The following CHD3 variants were observed in gnomAD, a reference collection of about 807,000 sequenced individuals.
CHD3 encodes chromodomain helicase DNA binding protein 3.
CHD3 carries 52 observed loss-of-function variants against 248.9 expected under a neutral mutation model. The observed-to-expected ratio is 0.21, with a 90% confidence interval of 0.17 to 0.26. The LOEUF is 0.26. Among genes scored for constraint, CHD3 ranks in the 10% least tolerant of loss-of-function variants. CHD3 has a pLI of 1.00. For missense variants in CHD3, 1,482 were observed against 2,605.8 expected, an observed-to-expected ratio of 0.57 and a Z score of 9.39; for synonymous variants, 985 against 985.2, an observed-to-expected ratio of 1.00 and a Z score of 0.00.
chr17:7,894,326 A>AT (rs1393604086), intron 7 of CHD3, 61 bp downstream of exon 7: 3 of 1,593,344 alleles, frequency 1.9e-6, no homozygotes, highest in African/African-American at 1.3e-5. Flanking sequence ...CTTATTTTCA[A>AT]TTTTGACTTC....
chr17:7,886,390 C>T (rs1259695911), upstream of CHD3, among the ~76,000 whole-genome samples: 1 of 152,218 alleles, frequency 6.6e-6, no homozygotes, highest in Non-Finnish European at 1.5e-5. The surrounding 1 kb of genome is among the most constrained non-coding windows in gnomAD (Gnocchi z 4.2). Flanking sequence ...GACCTCCGCA[C>T]CCCCGGGCCT....
In CHD3 at chr17:7,909,143, C is replaced by A; in HGVS notation, c.5395C>A (p.Leu1799Ile). 1 of 1,555,388 alleles carries A rather than the reference C, an allele frequency of 6.4e-7. No individual in the cohort carries two copies. Among genetic ancestry groups the A allele is most frequent in the East Asian group, 2.4e-5 (1 of 41,566 alleles). The change falls in exon 37 of 40, where the codon CTC (leucine) becomes ATC (isoleucine). Residue 1799 changes from leucine (L) to isoleucine (I), a missense_variant and splice_region_variant. Around this residue, in one of 20 missense-constraint regions of CHD3, gnomAD observed 83 missense variants for 181.0 expected, o/e 0.46. Coordinates refer to ENST00000330494, the MANE Select transcript of CHD3 (RefSeq NM_001005273.3). This position sits in a 1 kb window ranked among gnomAD's most constrained non-coding sequence, Gnocchi z 8.1. ...KNKFLARRFK[L>I]LEQALVIEEQ... ...TCACCTCCCAACTCTGTGCCCTCAGCTCCTGGAGCAGGCGCTGGTGATTGA... is the reference window on the plus strand; with the variant it reads ...TCACCTCCCAACTCTGTGCCCTCAGATCCTGGAGCAGGCGCTGGTGATTGA...
At position 7,912,382 on chromosome 17, in the gene CHD3, TGTG is replaced by T. The variant is rs1198351132; in HGVS notation, c.*802_*804del. The T allele has an allele frequency of 6.6e-6, 1 of 152,264 alleles. No homozygotes were observed. The highest frequency in any genetic ancestry group is 2.4e-5 in the African/African-American group (1 of 41,372). 9.4% of individuals were successfully genotyped at this position (152,264 alleles called of 1,614,324 possible). A position where few individuals can be genotyped will look rare whatever the true frequency, so the allele number is the denominator to read the frequency against. On this transcript the variant is annotated 3_prime_UTR_variant, in exon 40 of 40. Coordinates refer to ENST00000330494, the MANE Select transcript of CHD3 (RefSeq NM_001005273.3). The stretch of plus-strand genomic sequence containing the variant: ...GTGGGAGAGAATACAATGGGCCAGA[TGTG>T]GTGGAAGCCCAGCTCTGGGGCTCAG...
At position 7,906,749 on chromosome 17, in the gene CHD3, C is replaced by A; in HGVS notation, c.4503+52C>A. ...ATCAAGCTGGCTGCCTAGTCTCTGT[C>A]CTTCCTCTGCCTCTGTCCCTGAGTT... On this transcript the variant is annotated intron_variant, in intron 29 of 39. Coordinates refer to ENST00000330494, the MANE Select transcript of CHD3 (RefSeq NM_001005273.3). The surrounding 1 kb of genome is among the most constrained non-coding windows in gnomAD (Gnocchi z 5.0). 1 of 1,583,076 alleles carries A rather than the reference C, an allele frequency of 6.3e-7. No homozygotes were observed. The highest frequency in any genetic ancestry group is 8.6e-7 in the Non-Finnish European group (1 of 1,163,376).
chr17:7,909,482 C>G lies in CHD3; in HGVS notation c.5590+144C>G. Reference sequence around the variant, plus strand: ...TGACCTCTAACCCCACTCCTACCGACCTGGCACCCCCTTGGATTTTAGCCT... The same window carrying G: ...TGACCTCTAACCCCACTCCTACCGAGCTGGCACCCCCTTGGATTTTAGCCT... On this transcript the variant is annotated intron_variant, in intron 37 of 39. Coordinates refer to ENST00000330494, the MANE Select transcript of CHD3 (RefSeq NM_001005273.3). This position sits in a 1 kb window ranked among gnomAD's most constrained non-coding sequence, Gnocchi z 8.1. 8.3e-7 allele frequency: 1 copy of G among 1,198,970 alleles called. No individual in the cohort carries two copies. The highest frequency in any genetic ancestry group is 1.6e-5 in the African/African-American group (1 of 64,062). The allele number at this position is 1,198,970 out of a possible 1,614,324, so 74.3% of individuals were successfully genotyped here.
In CHD3 at chr17:7,906,886, C is replaced by A; in HGVS notation, c.4521C>A (p.His1507Gln). The part of the protein sequence containing the change: ...LVKKKVQEFE[H>Q]INGRWSMPEL... ...CACCCCAGGTGCAGGAGTTTGAGCA[C>A]ATCAATGGGCGTTGGTCAATGCCGG... The change falls in exon 30 of 40, where the codon CAC (histidine) becomes CAA (glutamine). Residue 1507 changes from histidine to glutamine, a missense_variant. His to Gln is a conservative substitution (Grantham distance 24). Around this residue, in one of 20 missense-constraint regions of CHD3, gnomAD observed 254 missense variants for 266.7 expected, o/e 0.95. Transcript: ENST00000330494. This position sits in a 1 kb window ranked among gnomAD's most constrained non-coding sequence, Gnocchi z 5.0. 4 of 1,614,092 alleles carry A rather than the reference C, an allele frequency of 2.5e-6. No individual in the cohort carries two copies. The highest frequency in any genetic ancestry group is 2.5e-6 in the Non-Finnish European group (3 of 1,180,004).
chr17:7,890,527 A>C, intron 2 of CHD3, 44 bp from the exon 3 acceptor site: 1 of 1,363,554 alleles, frequency 7.3e-7, no homozygotes, highest in Non-Finnish European at 9.9e-7. Context: ...AGTTTCTGGC[A>C]ATGGTAGGGA....
In CHD3 at chr17:7,897,194, C is replaced by T. The variant is rs759303159; in HGVS notation, c.1819C>T (p.Arg607Cys). The change falls in exon 11 of 40, where the codon CGT becomes TGT. Residue 607 changes from arginine to cysteine, a missense_variant. This residue lies in a region of CHD3 where 127 missense variants were observed against 188.3 expected (regional missense o/e 0.67). Coordinates refer to ENST00000330494, the MANE Select transcript of CHD3 (RefSeq NM_001005273.3). This position sits in a 1 kb window ranked among gnomAD's most constrained non-coding sequence, Gnocchi z 4.8. ...SGEDDGKSDK[R>C]KVKDPHYAEM... Reference sequence around the variant, plus strand: ...CGAGGATGATGGGAAGAGCGACAAGCGTAAAGTGAAAGACCCGCACTATGC... The same window carrying T: ...CGAGGATGATGGGAAGAGCGACAAGTGTAAAGTGAAAGACCCGCACTATGC... The T allele has an allele frequency of 5.6e-6, 9 of 1,614,150 alleles. No homozygotes were observed. Among genetic ancestry groups the T allele is most frequent in the Middle Eastern group, 1.6e-4 (1 of 6,062 alleles).
At chr17:7,887,609 G>A, upstream of CHD3, among the ~76,000 whole-genome samples, 1 of 152,122 alleles carries the variant, frequency 6.6e-6, no homozygotes, top group Non-Finnish European at 1.5e-5. Context: ...GGGAGGGAGG[G>A]GAATTTGAGA....
Position 7,901,757 on chromosome 17 carries a change from C to T in CHD3, c.3252+382C>T, listed in dbSNP as rs757490956. On this transcript the variant is annotated intron_variant, in intron 20 of 39. Coordinates refer to ENST00000330494, the MANE Select transcript of CHD3 (RefSeq NM_001005273.3). ...ATCACCTGACCTCAGGTGATCTGCC[C>T]GCCTCGGTCTCCCAAAGTGCTGGGA... Among the ~76,000 whole-genome samples, 4 of 151,942 alleles carry T rather than the reference C, an allele frequency of 2.6e-5. No homozygotes were observed. In the East Asian group the frequency reaches 5.8e-4, roughly 22 times the overall value.
chr17:7,893,880 C>G lies in CHD3; in HGVS notation c.869C>G (p.Ala290Gly). Residue 290 changes from alanine to glycine, a missense_variant, in exon 6 of 40, where the codon GCA becomes GGA. Around this residue, in one of 20 missense-constraint regions of CHD3, gnomAD observed 149 missense variants for 182.6 expected, o/e 0.82. Transcript: ENST00000330494. Reference protein sequence around the residue: ...GRKKLRGKKMAPLKIKLGLLG... With the variant: ...GRKKLRGKKMGPLKIKLGLLG... Reference sequence around the variant, plus strand: ...AAGAAGCTTCGGGGAAAGAAAATGGCACCACTCAAAATAAAACTAGGGCTT... The same window carrying G: ...AAGAAGCTTCGGGGAAAGAAAATGGGACCACTCAAAATAAAACTAGGGCTT... 1 of 1,608,756 alleles carries G rather than the reference C, an allele frequency of 6.2e-7. No individual in the cohort carries two copies. Among genetic ancestry groups the G allele is most frequent in the Non-Finnish European group, 8.5e-7 (1 of 1,176,808 alleles).
chr17:7,901,109 ACTGGGT>A lies in CHD3; in HGVS notation c.3120+117_3120+122del, dbSNP rs1970248132. ...GTGGAGCTGGGCTGGAAGGCCACGG[ACTGGGT>A]GTCTGAGAACAGGAGGAATTGGGAA... On this transcript the variant is annotated intron_variant, in intron 19 of 39. Coordinates refer to ENST00000330494, the MANE Select transcript of CHD3 (RefSeq NM_001005273.3). 1.7e-5 allele frequency: 25 copies of A among 1,514,018 alleles called. 1 individual carries two copies. Among genetic ancestry groups the A allele is most frequent in the Non-Finnish European group, 1.9e-5 (21 of 1,122,848 alleles). 93.8% of individuals were successfully genotyped at this position (1,514,018 alleles called of 1,614,324 possible). A position where few individuals can be genotyped will look rare whatever the true frequency, so the allele number is the denominator to read the frequency against.
At chr17:7,893,065 C>T (rs117163045) in intron 4 of CHD3, among the ~76,000 whole-genome samples, 2,689 of 152,254 alleles carry the variant, frequency 0.018, 53 homozygotes, top group South Asian at 0.073. Context: ...GCCACCGTGC[C>T]TGGCCTGTAT....
At position 7,911,372 on chromosome 17, in the gene CHD3, A is replaced by T. The variant is rs548045552; in HGVS notation, c.5882-92A>T. 3 of 1,589,882 alleles carry T rather than the reference A, an allele frequency of 1.9e-6. No homozygotes were observed. In the South Asian group the frequency reaches 3.3e-5, roughly 18 times the overall value. ...ACGTGGGACAACGGGAAGTGGCAGG[A>T]GGTGACCTAGAAGTGAGAATTCACC... On this transcript the variant is annotated intron_variant, in intron 39 of 39. Transcript: ENST00000330494. The surrounding 1 kb of genome is among the most constrained non-coding windows in gnomAD (Gnocchi z 5.4).
Position 7,895,630 on chromosome 17 carries a change from A to G in CHD3, c.1707+88A>G. 8.3e-7 allele frequency: 1 copy of G among 1,199,572 alleles called. No homozygotes were observed. The highest frequency in any genetic ancestry group is 1.2e-6 in the Non-Finnish European group (1 of 829,900). The allele number at this position is 1,199,572 out of a possible 1,614,324, so 74.3% of individuals were successfully genotyped here. ...TTACTCCTCTGTTTGTTGGGTTCCC[A>G]TACTCTTTGTTTTCTCTCATTTCAG... On this transcript the variant is annotated intron_variant, in intron 10 of 39. Coordinates refer to ENST00000330494, the MANE Select transcript of CHD3 (RefSeq NM_001005273.3). This position sits in a 1 kb window ranked among gnomAD's most constrained non-coding sequence, Gnocchi z 4.9.
At position 7,907,230 on chromosome 17, in the gene CHD3, G is replaced by C. The variant is rs1052874069; in HGVS notation, c.4771G>C (p.Glu1591Gln). 13 of 1,614,254 alleles carry C rather than the reference G, an allele frequency of 8.1e-6. No individual in the cohort carries two copies. The highest frequency in any genetic ancestry group is 8.5e-6 in the Non-Finnish European group (10 of 1,180,042). Residue 1591 changes from glutamate to glutamine, a missense_variant, in exon 31 of 40, where the codon GAG (glutamate) becomes CAG (glutamine). Physicochemically the swap from Glu to Gln is conservative, Grantham distance 29 (BLOSUM62 2). Coordinates refer to ENST00000330494, the MANE Select transcript of CHD3 (RefSeq NM_001005273.3). The surrounding 1 kb of genome is among the most constrained non-coding windows in gnomAD (Gnocchi z 4.3). ...GCCAGAGAAGAACAGCAGAATTGGG[G>C]AGAAGATGGAGACAGAGGTGTGTGG... The part of the protein sequence containing the change: ...EKPEKNSRIG[E>Q]KMETEADAPS...
chr17:7,905,726 T>G lies in CHD3; in HGVS notation c.4224+20T>G. Reference sequence around the variant, plus strand: ...ATTGAGGTGAGAGCTGGGCCCAGTGTTCCTGAGTTCTCCAAGAGGGCATGA... The same window carrying G: ...ATTGAGGTGAGAGCTGGGCCCAGTGGTCCTGAGTTCTCCAAGAGGGCATGA... On this transcript the variant is annotated intron_variant, in intron 27 of 39. Transcript: ENST00000330494. This position sits in a 1 kb window ranked among gnomAD's most constrained non-coding sequence, Gnocchi z 5.8. 6.2e-7 allele frequency: 1 copy of G among 1,612,860 alleles called. No individual in the cohort carries two copies. Among genetic ancestry groups the G allele is most frequent in the African/African-American group, 1.3e-5 (1 of 74,986 alleles).
chr17:7,892,057 C>T (rs983483226), intron 4 of CHD3, among the ~76,000 whole-genome samples: 18 of 152,154 alleles, frequency 1.2e-4, no homozygotes, highest in African/African-American at 4.3e-4. Flanking sequence ...TCATAGGAAT[C>T]TGTGTGGGTT....
At position 7,907,821 on chromosome 17, in the gene CHD3, G is replaced by A. The variant is rs1273013028; in HGVS notation, c.5027-73G>A. 2.6e-6 allele frequency: 4 copies of A among 1,562,202 alleles called. No individual in the cohort carries two copies. Among genetic ancestry groups the A allele is most frequent in the East Asian group, 2.3e-5 (1 of 43,554 alleles). ...CTGTTTGAAAGGCCAGTACAGTACA[G>A]TACAGATAGTAGTCTTGGGACCTGG... On this transcript the variant is annotated intron_variant, in intron 33 of 39. Transcript: ENST00000330494. This position sits in a 1 kb window ranked among gnomAD's most constrained non-coding sequence, Gnocchi z 4.3.
Sources: gnomAD v4.1 joint callset for allele counts (sites outside exome capture counted in the v4.1 genomes callset) on GRCh38, gnomAD v4.1.1 for gene constraint, gnomAD v4.1.1 regional missense constraint, Gnocchi (gnomAD v3.1) non-coding constraint, MANE v1.5 for transcripts, NCBI Gene and HGNC (gene_info 2026-07-23, HGNC 2026-07-21) for gene names.